NOP9: variants seen among roughly 807,000 people sequenced by gnomAD.
NOP9 encodes the protein nucleolar protein 9.
A neutral mutation model predicts 63.0 loss-of-function variants in NOP9; 50 were observed. The ratio of observed to expected loss-of-function variants is 0.79; its 90% CI spans 0.63 to 1.00. NOP9 has a LOEUF of 1.00. NOP9 is among the 50% of genes least tolerant of loss of function. The pLI, the probability that NOP9 is intolerant of heterozygous loss-of-function variation, is 0.00. For synonymous variants in NOP9, 343 were observed against 332.8 expected (o/e 1.03, Z -0.33); for missense variants, 758 against 803.0 (o/e 0.94, Z 0.68).
the NOP9 span, chr14:24,292,149 C>T: frequency 6.2e-7 from 1 of 1,613,704 alleles, no homozygotes; most frequent in Non-Finnish European, 8.5e-7. Flanking sequence ...GCCGACTCCC[C>T]TGTTCTCTGC....
Position 24,305,093 on chromosome 14 carries a change from T to TCCA in NOP9, c.1909_1910insCCA (p.Ter637delinsSerArg). 3 of 1,509,800 alleles carry TCCA rather than the reference T, an allele frequency of 2.0e-6. No individual in the cohort carries two copies. Among genetic ancestry groups the TCCA allele is most frequent in the Non-Finnish European group, 2.7e-6 (3 of 1,123,876 alleles). The allele number at this position is 1,509,800 out of a possible 1,614,324, so 93.5% of individuals were successfully genotyped here. ...GGCATTGAACTCCATACTTGAAGAC[T>TCCA]GAGGCTTTGGATCTGGGACTGGGTG... On this transcript the variant is annotated stop_lost, in exon 10 of 10. Coordinates refer to ENST00000267425, the MANE Select transcript of NOP9 (RefSeq NM_174913.3).
chr14:24,273,075 G>GTGT, the NOP9 span, among the ~76,000 whole-genome samples: 2 of 152,154 alleles, frequency 1.3e-5, no homozygotes, highest in Non-Finnish European at 2.9e-5. Flanking sequence ...GTGAGTGTGT[G>GTGT]TGTACCACAC....
At chr14:24,292,729 C>G in the NOP9 span, 2 of 1,614,030 alleles carry the variant, frequency 1.2e-6, no homozygotes, top group Non-Finnish European at 1.7e-6. Context: ...ACGATGAGCC[C>G]CTGGCCAGCT....
the NOP9 span, among the ~76,000 whole-genome samples, chr14:24,274,120 C>T: frequency 6.6e-6 from 1 of 152,142 alleles, no homozygotes; most frequent in Non-Finnish European, 1.5e-5. Context: ...CCCACCTCAC[C>T]ACCAGCCTTC....
chr14:24,291,745 C>T, the NOP9 span: 2 of 1,055,706 alleles, frequency 1.9e-6, no homozygotes, highest in African/African-American at 3.1e-5. Context: ...CCAAAGACCT[C>T]AAGCAGGGCC....
upstream of NOP9, chr14:24,299,402 T>C (rs45530039): frequency 5.2e-3 from 1,559 of 297,832 alleles, 8 homozygotes; most frequent in Middle Eastern, 0.011. Flanking sequence ...GCTGCCTGGA[T>C]ATGGGAATCT....
rs2041432764 is a variant in NOP9, at chr14:24,304,180, T to A, written c.1550T>A (p.Leu517His). The change falls in exon 8 of 10, where the codon CTT becomes CAT. Residue 517 changes from leucine (L) to histidine (H), a missense_variant. Leu to His is a moderately conservative substitution (Grantham distance 99). Transcript: ENST00000267425. ...GALTGPQLLS[L>H]AQSPAGSHVL... ...TTGACGGGACCACAGCTTCTGTCCC[T>A]TGCCCAAAGTCCCGCTGGCTCTCAT... 1 of 1,614,116 alleles carries A rather than the reference T, an allele frequency of 6.2e-7. No homozygotes were observed.
Position 24,307,262 on chromosome 14 carries a change from A to T in NOP9, c.*2167A>T. On this transcript the variant is annotated 3_prime_UTR_variant, in exon 10 of 10. Transcript: ENST00000267425. Reference sequence around the variant, plus strand: ...TCCGCTGCTTTTAGCCCTCAGAGGGAGGGGCAGCTGTGTGACTTCAGCCCT... The same window carrying T: ...TCCGCTGCTTTTAGCCCTCAGAGGGTGGGGCAGCTGTGTGACTTCAGCCCT... 2 of 1,219,032 alleles carry T rather than the reference A, an allele frequency of 1.6e-6. No individual in the cohort carries two copies. Among genetic ancestry groups the T allele is most frequent in the South Asian group, 2.9e-5 (2 of 69,284 alleles). 75.5% of individuals were successfully genotyped at this position (1,219,032 alleles called of 1,614,324 possible). A position where few individuals can be genotyped will look rare whatever the true frequency, so the allele number is the denominator to read the frequency against.
chr14:24,274,132 T>G, the NOP9 span, among the ~76,000 whole-genome samples: 1 of 151,998 alleles, frequency 6.6e-6, no homozygotes, highest in Non-Finnish European at 1.5e-5. Flanking sequence ...CCAGCCTTCT[T>G]TTGTTGGTGG....
At position 24,303,718 on chromosome 14, in the gene NOP9, G is replaced by T. The variant is rs764417992; in HGVS notation, c.1285-14G>T. On this transcript the variant is annotated splice_polypyrimidine_tract_variant and intron_variant, in intron 6 of 9. Coordinates refer to ENST00000267425, the MANE Select transcript of NOP9 (RefSeq NM_174913.3). Reference sequence around the variant, plus strand: ...GAAGTTCTCAGGTTCATCATATTCTGTCTTCTCCTTTAGGCATTCCACTGT... The same window carrying T: ...GAAGTTCTCAGGTTCATCATATTCTTTCTTCTCCTTTAGGCATTCCACTGT... The T allele has an allele frequency of 3.1e-6, 5 of 1,609,824 alleles. No homozygotes were observed. The highest frequency in any genetic ancestry group is 3.4e-6 in the Non-Finnish European group (4 of 1,176,552).
At chr14:24,280,096 C>T in the NOP9 span, among the ~76,000 whole-genome samples, 57 of 152,212 alleles carry the variant, frequency 3.7e-4, no homozygotes, top group Non-Finnish European at 4.9e-4. Context: ...GCCTGATCCA[C>T]GCTAGGGTGG....
At chr14:24,280,185 A>C in the NOP9 span, among the ~76,000 whole-genome samples, 1 of 152,210 alleles carries the variant, frequency 6.6e-6, no homozygotes, top group African/African-American at 2.4e-5. Context: ...TGTTTAATCG[A>C]ACTTTCTGGA....
At chr14:24,285,078 C>T in the NOP9 span, among the ~76,000 whole-genome samples, 1 of 152,188 alleles carries the variant, frequency 6.6e-6, no homozygotes, top group African/African-American at 2.4e-5. Flanking sequence ...GCCAGTTAGT[C>T]AAAGCTCACA....
upstream of NOP9, chr14:24,296,564 C>T: frequency 6.2e-7 from 1 of 1,614,050 alleles, no homozygotes; most frequent in African/African-American, 1.3e-5. Flanking sequence ...TCCCAGAATG[C>T]CTTATTCCTG....
chr14:24,296,667 T>TG (rs1594609528), upstream of NOP9: 2 of 1,611,444 alleles, frequency 1.2e-6, no homozygotes, highest in Non-Finnish European at 1.7e-6. Context: ...GGACAATGAG[T>TG]GGGGATGAAG....
At position 24,303,328 on chromosome 14, in the gene NOP9, G is replaced by T; in HGVS notation, c.1284+114G>T. On this transcript the variant is annotated intron_variant, in intron 6 of 9. Coordinates refer to ENST00000267425, the MANE Select transcript of NOP9 (RefSeq NM_174913.3). ...GGACTCAGGAAGTCTAATGCCCAAG[G>T]AGTTCACAGGAATGGGGGAAAATGA... 3.8e-6 allele frequency: 5 copies of T among 1,322,864 alleles called. No individual in the cohort carries two copies. The South Asian group carries it at 4.8e-5, about 13-fold the overall frequency. 81.9% of individuals were successfully genotyped at this position (1,322,864 alleles called of 1,614,324 possible). A position where few individuals can be genotyped will look rare whatever the true frequency, so the allele number is the denominator to read the frequency against.
chr14:24,302,965 T>G, intron 5 of NOP9, 109 bp from the exon 6 acceptor site: 1 of 1,304,180 alleles, frequency 7.7e-7, no homozygotes, highest in Non-Finnish European at 1.0e-6. Context: ...TGGCAATGCT[T>G]TTTATGTTTT....
chr14:24,288,657 C>T, the NOP9 span, among the ~76,000 whole-genome samples: 2 of 152,014 alleles, frequency 1.3e-5, no homozygotes, highest in African/African-American at 4.8e-5. Flanking sequence ...CAGGAATTGA[C>T]AATTTCGATG....
At position 24,300,144 on chromosome 14, in the gene NOP9, T is replaced by TA; in HGVS notation, c.191dup (p.Tyr64Ter). ...HPHLSPEALG[Y>*]FRRALSALKE... The stretch of plus-strand genomic sequence containing the variant: ...GCACCTGAGCCCGGAAGCTCTGGGA[T>TA]ATTTCCGCCGGGCGCTGTCAGCATT... Residue 64 changes from tyrosine to a stop codon, truncating the protein, a stop_gained and frameshift_variant, in exon 1 of 10, where the codon TAT becomes TAAT. Coordinates refer to ENST00000267425, the MANE Select transcript of NOP9 (RefSeq NM_174913.3). LOFTEE classifies it high-confidence loss of function. The TA allele has an allele frequency of 6.2e-7, 1 of 1,613,994 alleles. No individual in the cohort carries two copies. The highest frequency in any genetic ancestry group is 8.5e-7 in the Non-Finnish European group (1 of 1,180,006).
Sources: gnomAD v4.1 joint callset for allele counts (sites outside exome capture counted in the v4.1 genomes callset) on GRCh38, gnomAD v4.1.1 for gene constraint, MANE v1.5 for transcripts, NCBI Gene and HGNC (gene_info 2026-07-23, HGNC 2026-07-21) for gene names.